Variants in DIP2C observed in about 807,000 individuals in gnomAD.
DIP2C encodes DIP2 acetate--CoA ligase C (putative).
In DIP2C, 33 loss-of-function variants were observed where a neutral mutation model predicts 192.4. The ratio of observed to expected loss-of-function variants is 0.17; its 90% confidence interval spans 0.13 to 0.23. The LOEUF is 0.23. DIP2C is among the 10% of genes least tolerant of loss of function. DIP2C has a pLI of 1.00. For synonymous variants in DIP2C, 979 were observed against 864.1 expected (o/e 1.13, Z -2.33); for missense variants, 1,537 against 2,110.1 (o/e 0.73, Z 5.32).
intron 1 of DIP2C, among the ~76,000 whole-genome samples, chr10:581,953 CCGTTCCACCT>C (rs1453385516): frequency 6.6e-6 from 1 of 152,064 alleles, no homozygotes; most frequent in Non-Finnish European, 1.5e-5. Context: ...TGGAATGAAA[CCGTTCCACCT>C]CAGGTCAGGC....
chr10:398,835 T>C (rs184835902), intron 10 of DIP2C, among the ~76,000 whole-genome samples: 1 of 152,082 alleles, frequency 6.6e-6, no homozygotes, highest in Admixed American at 6.5e-5. Context: ...CCAATTCTAG[T>C]GCACATGACA....
chr10:416,767 C>T (rs879524206), intron 6 of DIP2C, among the ~76,000 whole-genome samples: 11 of 152,132 alleles, frequency 7.2e-5, no homozygotes, highest in South Asian at 6.2e-4. Context: ...AGATCAAAAG[C>T]GTCCTCCTCA....
intron 1 of DIP2C, among the ~76,000 whole-genome samples, chr10:528,119 T>C (rs925255754): frequency 6.6e-6 from 1 of 151,704 alleles, no homozygotes; most frequent in Admixed American, 6.6e-5. Context: ...GCCTGGAACA[T>C]CCCCCCTGAA....
chr10:377,929 T>C (rs1310919670), intron 17 of DIP2C, among the ~76,000 whole-genome samples: 1 of 152,210 alleles, frequency 6.6e-6, no homozygotes, highest in Non-Finnish European at 1.5e-5. Context: ...GTTACAAAGC[T>C]AAAAATTATG....
intron 2 of DIP2C, among the ~76,000 whole-genome samples, chr10:474,523 G>A (rs950035604): frequency 2.0e-5 from 3 of 151,608 alleles, no homozygotes; most frequent in African/African-American, 4.8e-5. Flanking sequence ...AGTCCCAAAC[G>A]TGCTACCGTC....
intron 1 of DIP2C, among the ~76,000 whole-genome samples, chr10:572,661 A>G (rs1849897549): frequency 6.6e-6 from 1 of 152,232 alleles, no homozygotes. Flanking sequence ...GTATTCACAG[A>G]TCACAAGGAC....
chr10:465,345 T>C (rs1464064514), intron 3 of DIP2C, among the ~76,000 whole-genome samples: 2 of 147,156 alleles, frequency 1.4e-5, no homozygotes, highest in Non-Finnish European at 3.0e-5. Flanking sequence ...CAACCCTTCA[T>C]GCTAAAAACT....
Position 414,022 on chromosome 10 carries a change from C to A in DIP2C, c.948G>T (p.Trp316Cys), listed in dbSNP as rs776995967. 10 of 1,614,014 alleles carry A rather than the reference C, an allele frequency of 6.2e-6. No individual in the cohort carries two copies. In the South Asian group the frequency reaches 1.1e-4, roughly 18 times the overall value. Reference sequence around the variant, plus strand: ...GCAGTGCGGCCTCCAGCGACGGCGGCCAGTTCGTGACCACGCCCAGCTGCT... The same window carrying A: ...GCAGTGCGGCCTCCAGCGACGGCGGACAGTTCGTGACCACGCCCAGCTGCT... The part of the protein sequence containing the change: ...RGEQLGVVTN[W>C]PPSLEAALQR... The change falls in exon 8 of 37, where the codon TGG (tryptophan) becomes TGT (cysteine). Residue 316 changes from tryptophan (W) to cysteine (C), a missense_variant. Trp to Cys is a radical substitution (Grantham distance 215). Coordinates refer to ENST00000280886, the MANE Select transcript of DIP2C (RefSeq NM_014974.3).
At chr10:676,930 A>C (rs1326956246) in intron 1 of DIP2C, among the ~76,000 whole-genome samples, 1 of 152,216 alleles carries the variant, frequency 6.6e-6, no homozygotes, top group Non-Finnish European at 1.5e-5. Context: ...GCTAGAAGAG[A>C]GGATTTTGAA....
intron 1 of DIP2C, among the ~76,000 whole-genome samples, chr10:618,202 G>C (rs185368430): frequency 7.7e-4 from 118 of 152,328 alleles, no homozygotes; most frequent in African/African-American, 2.6e-3. Context: ...GCATTTTTCT[G>C]ATAATATTTT....
At position 311,701 on chromosome 10, in the gene DIP2C, A is replaced by G. The variant is rs540272826; in HGVS notation, c.3925-1609T>C. The G allele has an allele frequency of 7.6e-4, 486 of 638,666 alleles. 1 individual carries two copies. Among genetic ancestry groups the G allele is most frequent in the Non-Finnish European group, 9.2e-4 (408 of 445,692 alleles). The allele number at this position is 638,666 out of a possible 1,614,324, so 39.6% of individuals were successfully genotyped here. ...TGGAGAAGAGGGAGGGGTGGGGAGGAGAATGCGAAAAGCAGGAAACAAAAT... is the reference window on the plus strand; with the variant it reads ...TGGAGAAGAGGGAGGGGTGGGGAGGGGAATGCGAAAAGCAGGAAACAAAAT... On this transcript the variant is annotated intron_variant, in intron 31 of 36. Coordinates refer to ENST00000280886, the MANE Select transcript of DIP2C (RefSeq NM_014974.3).
chr10:501,810 A>C (rs1020223343), intron 1 of DIP2C, among the ~76,000 whole-genome samples: 1 of 152,144 alleles, frequency 6.6e-6, no homozygotes, highest in African/African-American at 2.4e-5. Flanking sequence ...GTATTTGGCA[A>C]TATCAGAACA....
At chr10:384,275 T>C in intron 15 of DIP2C, 129 bp from the exon 16 acceptor site, 2 of 387,880 alleles carry the variant, frequency 5.2e-6, no homozygotes, top group South Asian at 5.4e-5. Flanking sequence ...ACAAACCTTT[T>C]TTTTTTTTTT....
chr10:526,817 C>G (rs1465089419), intron 1 of DIP2C, among the ~76,000 whole-genome samples: 1 of 152,212 alleles, frequency 6.6e-6, no homozygotes, highest in African/African-American at 2.4e-5. Context: ...CCAGCACCAT[C>G]TTCTCCCAGG....
intron 1 of DIP2C, among the ~76,000 whole-genome samples, chr10:593,907 C>T (rs1284461328): frequency 6.6e-6 from 1 of 151,918 alleles, no homozygotes; most frequent in East Asian, 1.9e-4. Context: ...TGGTTAGCTG[C>T]CGAGTTAAAG....
intron 1 of DIP2C, among the ~76,000 whole-genome samples, chr10:548,280 CCT>C (rs1487189710): frequency 6.6e-5 from 9 of 135,800 alleles, no homozygotes; most frequent in South Asian, 5.2e-4. Context: ...AGCTTGGTGC[CCT>C]CTCTGGAGTT....
At chr10:605,778 A>G (rs1483345742) in intron 1 of DIP2C, among the ~76,000 whole-genome samples, 1 of 152,224 alleles carries the variant, frequency 6.6e-6, no homozygotes, top group Non-Finnish European at 1.5e-5. Context: ...TCTCAGGGCT[A>G]TGATACTCAA....
At chr10:591,485 A>G (rs1459712391) in intron 1 of DIP2C, among the ~76,000 whole-genome samples, 1 of 152,248 alleles carries the variant, frequency 6.6e-6, no homozygotes, top group East Asian at 1.9e-4. Context: ...GTTAAAAACC[A>G]GTTATATGGC....
chr10:456,632 CTG>C (rs1217964974), intron 3 of DIP2C, among the ~76,000 whole-genome samples: 3 of 152,352 alleles, frequency 2.0e-5, no homozygotes, highest in Middle Eastern at 3.4e-3. Context: ...GAAGCCAAAA[CTG>C]TGCAAGAGGC....
Sources: gnomAD v4.1 joint callset for allele counts (sites outside exome capture counted in the v4.1 genomes callset) on GRCh38, gnomAD v4.1.1 for gene constraint, MANE v1.5 for transcripts, NCBI Gene and HGNC (gene_info 2026-07-23, HGNC 2026-07-21) for gene names.